Variants in IWS1 observed in about 807,000 individuals in gnomAD.
IWS1 encodes interacts with SUPT6H, CTD assembly factor 1.
A neutral mutation model predicts 86.7 loss-of-function variants in IWS1; 27 were observed. The observed-to-expected ratio is 0.31, with a 90% CI of 0.23 to 0.43. The LOEUF is 0.43. Ranked by LOEUF, IWS1 falls within the 20% of genes least tolerant of loss-of-function variation. The pLI, the probability that IWS1 is intolerant of heterozygous loss-of-function variation, is 1.00. For missense variants in IWS1, 827 were observed against 1,000.8 expected (o/e 0.83, Z 2.34); for synonymous variants, 313 against 335.1 (o/e 0.93, Z 0.72).
rs772804883 is a variant in IWS1 at position 127,489,440 on chromosome 2, G to A, written c.2160-205C>T. 18 of 566,252 alleles carry A rather than the reference G, an allele frequency of 3.2e-5. No individual in the cohort carries two copies. The highest frequency in any genetic ancestry group is 5.0e-5 in the Non-Finnish European group (16 of 317,316). 35.1% of individuals were successfully genotyped at this position (566,252 alleles called of 1,614,324 possible). On this transcript the variant is annotated intron_variant, in intron 11 of 13. Transcript: ENST00000295321. This position sits in a 1 kb window ranked among gnomAD's most constrained non-coding sequence, Gnocchi z 4.8. The stretch of plus-strand genomic sequence containing the variant: ...GTTTCCTTGTGGATGAGCCGTAATT[G>A]CCACATTTGTAACTAATGACCCTGT...
intron 13 of IWS1, chr2:127,482,342 T>C (rs1689672887): frequency 6.6e-6 from 1 of 152,210 alleles, no homozygotes; most frequent in Admixed American, 6.5e-5. Context: ...CCAAGAGCCA[T>C]GTTGACCTGT....
In IWS1 at chr2:127,504,720, C is replaced by T; in HGVS notation, c.1183G>A (p.Ala395Thr). ...EEEKVAKRKA[A>T]VLSDSEDEEK... ...TCATCTTCACTATCAGAAAGCACAGCAGCTTTTCTCTTCGCTACTTTCTCC... is the reference window on the plus strand; with the variant it reads ...TCATCTTCACTATCAGAAAGCACAGTAGCTTTTCTCTTCGCTACTTTCTCC... Residue 395 changes from alanine to threonine, a missense_variant, in exon 3 of 14, where the codon GCT (alanine) becomes ACT (threonine). Physicochemically the swap from Ala to Thr is moderately conservative, Grantham distance 58. Coordinates refer to ENST00000295321, the MANE Select transcript of IWS1 (RefSeq NM_017969.3). The T allele has an allele frequency of 6.2e-7, 1 of 1,610,870 alleles. No individual in the cohort carries two copies. The highest frequency in any genetic ancestry group is 1.1e-5 in the South Asian group (1 of 90,476).
chr2:127,490,952 T>G (rs1219498801), intron 10 of IWS1: 1 of 152,210 alleles, frequency 6.6e-6, no homozygotes, highest in Non-Finnish European at 1.5e-5. Context: ...AGTAGTTACT[T>G]TTTCAATCTA....
intron 13 of IWS1, among the ~76,000 whole-genome samples, chr2:127,483,222 T>C (rs1415799215): frequency 6.6e-6 from 1 of 152,246 alleles, no homozygotes; most frequent in Non-Finnish European, 1.5e-5. Context: ...ACTGTTATTT[T>C]AGAAGTATTC....
At chr2:127,487,055 T>C (rs56029768) in intron 12 of IWS1, among the ~76,000 whole-genome samples, 1,551 of 152,318 alleles carry the variant, frequency 0.01, 15 homozygotes, top group Non-Finnish European at 0.017. Flanking sequence ...TTGTGAAGAA[T>C]TGAGTCGTCA....
Position 127,492,070 on chromosome 2 carries a change from C to T in IWS1, c.1948G>A (p.Glu650Lys). ...ILQELPSVSQETLKHSGIGRA... is the reference protein window; with the variant it reads ...ILQELPSVSQKTLKHSGIGRA... ...CCAATCCCACTATGCTTCAGGGTCT[C>T]CTGGCTCACACTAGGCAGCTGGGGA... Residue 650 changes from glutamate to lysine, a missense_variant, in exon 10 of 14, where the codon GAG becomes AAG. Glu to Lys is a moderately conservative substitution (Grantham distance 56). This residue lies in a region of IWS1 where 279 missense variants were observed against 440.6 expected (regional missense o/e 0.63). Transcript: ENST00000295321. The T allele has an allele frequency of 1.9e-6, 3 of 1,613,608 alleles. No homozygotes were observed. Among genetic ancestry groups the T allele is most frequent in the Non-Finnish European group, 2.5e-6 (3 of 1,179,524 alleles).
chr2:127,493,948 T>G (rs1313749124), intron 8 of IWS1, among the ~76,000 whole-genome samples: 1 of 152,084 alleles, frequency 6.6e-6, no homozygotes, highest in Non-Finnish European at 1.5e-5. Flanking sequence ...CTGCCACAGA[T>G]AGTTTCCCCT....
chr2:127,522,376 G>C (rs1213692868), intron 2 of IWS1, among the ~76,000 whole-genome samples: 2 of 151,934 alleles, frequency 1.3e-5, no homozygotes, highest in African/African-American at 4.8e-5. Context: ...CTAATTATCT[G>C]TTTTCTTCAC....
chr2:127,489,217 G>A lies in IWS1; in HGVS notation c.2178C>T (p.Pro726=), dbSNP rs780172588. The A allele has an allele frequency of 6.2e-7, 1 of 1,612,902 alleles. No homozygotes were observed. The highest frequency in any genetic ancestry group is 1.1e-5 in the South Asian group (1 of 90,958). Residue 726 remains proline (P), a synonymous_variant, in exon 12 of 14, where the codon CCC becomes CCT. Transcript: ENST00000295321. The surrounding 1 kb of genome is among the most constrained non-coding windows in gnomAD (Gnocchi z 4.8). The part of the protein sequence containing the change: ...RRMNSTGGQT[P]RRDLEKVLTG... Reference sequence around the variant, plus strand: ...TCAGCACCTTTTCCAGGTCTCTTCTGGGTGTCTGACCACCAGTGCTGAAAA... The same window carrying A: ...TCAGCACCTTTTCCAGGTCTCTTCTAGGTGTCTGACCACCAGTGCTGAAAA...
intron 13 of IWS1, chr2:127,484,371 T>A (rs926623140): frequency 1.3e-5 from 2 of 152,192 alleles, no homozygotes; most frequent in South Asian, 4.1e-4. Context: ...TTTATTTACA[T>A]AACTTTGAAA....
rs972059029 is a variant in IWS1, at chr2:127,486,421, T to C, written c.2328+132A>G. 2.5e-5 allele frequency: 16 copies of C among 648,966 alleles called. No homozygotes were observed. The Admixed American group carries it at 4.0e-4, about 16-fold the overall frequency. The allele number at this position is 648,966 out of a possible 1,614,324, so 40.2% of individuals were successfully genotyped here. A position where few individuals can be genotyped will look rare whatever the true frequency, so the allele number is the denominator to read the frequency against. On this transcript the variant is annotated intron_variant, in intron 13 of 13. Coordinates refer to ENST00000295321, the MANE Select transcript of IWS1 (RefSeq NM_017969.3). ...TTGCTCAATTTGTGGTTTGGCTAGA[T>C]AAGCGACCAGAAAACAGTCCTCTCT...
chr2:127,526,057 G>C lies in IWS1; in HGVS notation c.34+118C>G, dbSNP rs1692391910. 23 of 957,352 alleles carry C rather than the reference G, an allele frequency of 2.4e-5. No individual in the cohort carries two copies. In the South Asian group the frequency reaches 3.7e-4, roughly 15 times the overall value. 59.3% of individuals were successfully genotyped at this position (957,352 alleles called of 1,614,324 possible). On this transcript the variant is annotated intron_variant, in intron 1 of 13. Transcript: ENST00000295321. ...AGAGGGCTCTTGCCCTCCTCGGGCC[G>C]GGTCGCGGGAGGGAAGGTTTCGGGG...
chr2:127,495,703 A>G (rs960246451), intron 7 of IWS1, among the ~76,000 whole-genome samples: 1 of 152,244 alleles, frequency 6.6e-6, no homozygotes, highest in Non-Finnish European at 1.5e-5. Context: ...ATATATGAAG[A>G]AACTAAACTT....
intron 2 of IWS1, among the ~76,000 whole-genome samples, chr2:127,509,762 A>G (rs1244042981): frequency 6.8e-6 from 1 of 146,584 alleles, no homozygotes; most frequent in African/African-American, 2.5e-5. Context: ...CCTCCTTCTT[A>G]GCCATCATTC....
chr2:127,521,381 C>T (rs1692086751), intron 2 of IWS1, among the ~76,000 whole-genome samples: 1 of 152,068 alleles, frequency 6.6e-6, no homozygotes, highest in African/African-American at 2.4e-5. Flanking sequence ...ATAGTCATTT[C>T]TGTAGTTGGA....
chr2:127,523,656 A>C lies in IWS1; in HGVS notation c.150+20T>G. 6.6e-7 allele frequency: 1 copy of C among 1,516,060 alleles called. No homozygotes were observed. Among genetic ancestry groups the C allele is most frequent in the African/African-American group, 1.4e-5 (1 of 72,980 alleles). The allele number at this position is 1,516,060 out of a possible 1,614,324, so 93.9% of individuals were successfully genotyped here. A position where few individuals can be genotyped will look rare whatever the true frequency, so the allele number is the denominator to read the frequency against. Reference sequence around the variant, plus strand: ...GAACGCAAGGGAAAAGCCCTCCCAAAGATGTTGGTTAGCCAATACCTCTGA... The same window carrying C: ...GAACGCAAGGGAAAAGCCCTCCCAACGATGTTGGTTAGCCAATACCTCTGA... On this transcript the variant is annotated intron_variant, in intron 2 of 13. Coordinates refer to ENST00000295321, the MANE Select transcript of IWS1 (RefSeq NM_017969.3).
intron 3 of IWS1, 133 bp downstream of exon 3, chr2:127,504,551 C>T: frequency 1.4e-6 from 1 of 700,724 alleles, no homozygotes; most frequent in South Asian, 1.9e-5. Context: ...AATGAGTGTC[C>T]TACTGATATT....
chr2:127,481,282 TG>T, intron 13 of IWS1, 107 bp from the exon 14 acceptor site: 8 of 1,019,744 alleles, frequency 7.8e-6, no homozygotes, highest in Non-Finnish European at 1.1e-5. Flanking sequence ...CTTCTAGCTC[TG>T]GAATAACCAG....
In IWS1 at chr2:127,489,064, A is replaced by C. The variant is rs1025442100; in HGVS notation, c.2216+115T>G. On this transcript the variant is annotated intron_variant, in intron 12 of 13. Transcript: ENST00000295321. The surrounding 1 kb of genome is among the most constrained non-coding windows in gnomAD (Gnocchi z 4.8). ...TTTGTAGATACTAAACGTTAAAATGAAAGTCACCTCCCACAAATGAGAGCA... is the reference window on the plus strand; with the variant it reads ...TTTGTAGATACTAAACGTTAAAATGCAAGTCACCTCCCACAAATGAGAGCA... 4 of 714,780 alleles carry C rather than the reference A, an allele frequency of 5.6e-6. No homozygotes were observed. The highest frequency in any genetic ancestry group is 7.2e-6 in the Non-Finnish European group (3 of 415,846). 44.3% of individuals were successfully genotyped at this position (714,780 alleles called of 1,614,324 possible).
Sources: gnomAD v4.1 joint callset for allele counts (sites outside exome capture counted in the v4.1 genomes callset) on GRCh38, gnomAD v4.1.1 for gene constraint, gnomAD v4.1.1 regional missense constraint, Gnocchi (gnomAD v3.1) non-coding constraint, MANE v1.5 for transcripts, NCBI Gene and HGNC (gene_info 2026-07-23, HGNC 2026-07-21) for gene names.